The following MYO10 variants were observed in gnomAD, a reference collection of about 807,000 sequenced individuals.
MYO10 encodes the protein myosin X.
In MYO10, 133 loss-of-function variants were observed where a neutral mutation model predicts 257.3. The observed-to-expected ratio is 0.52, with a 90% CI of 0.45 to 0.60. The LOEUF (loss-of-function observed/expected upper bound fraction) is 0.60, where lower values mean the gene tolerates loss of function less well. Ranked by LOEUF, MYO10 falls within the 20% of genes least tolerant of loss-of-function variation. The pLI, the probability that MYO10 is intolerant of heterozygous loss-of-function variation, is 0.00. For missense variants in MYO10, 2,399 were observed against 2,635.7 expected (o/e 0.91, Z 1.97); for synonymous variants, 1,104 against 1,028.6 (o/e 1.07, Z -1.40).
At chr5:16,689,457 T>C (rs1386967167) in intron 28 of MYO10, among the ~76,000 whole-genome samples, 1 of 152,190 alleles carries the variant, frequency 6.6e-6, no homozygotes, top group East Asian at 1.9e-4. Context: ...TTCGTCCTTA[T>C]GCAAACACAA....
chr5:16,797,482 T>C (rs1053382257), intron 3 of MYO10, among the ~76,000 whole-genome samples: 3 of 152,120 alleles, frequency 2.0e-5, no homozygotes, highest in African/African-American at 7.2e-5. Context: ...CCTAGATACA[T>C]ATCAAAAAGA....
chr5:16,710,651 C>T, intron 21 of MYO10: 1 of 510,584 alleles, frequency 2.0e-6, no homozygotes, highest in South Asian at 2.6e-5. Flanking sequence ...GAACAAATAC[C>T]CACACACAAA....
chr5:16,699,589 G>A lies in MYO10; in HGVS notation c.3433-16C>T, dbSNP rs375325553. The A allele has an allele frequency of 2.5e-6, 4 of 1,612,962 alleles. No individual in the cohort carries two copies. The highest frequency in any genetic ancestry group is 1.3e-5 in the African/African-American group (1 of 74,838). On this transcript the variant is annotated splice_polypyrimidine_tract_variant and intron_variant, in intron 25 of 40. Coordinates refer to ENST00000513610, the MANE Select transcript of MYO10 (RefSeq NM_012334.3). ...TATCTTCAAACTGGACCGAGAGAGA[G>A]AAGCCAACGGTGAGGGAAAAGGCCA... is the stretch of plus-strand genomic sequence containing the variant.
At chr5:16,739,285 T>G (rs1739927891) in intron 19 of MYO10, among the ~76,000 whole-genome samples, 1 of 152,118 alleles carries the variant, frequency 6.6e-6, no homozygotes, top group South Asian at 2.1e-4. Flanking sequence ...TTGATTACAC[T>G]ATTGAGAACT....
At chr5:16,922,914 CT>C (rs1473838587) in intron 1 of MYO10, among the ~76,000 whole-genome samples, 2 of 152,084 alleles carry the variant, frequency 1.3e-5, no homozygotes, top group Non-Finnish European at 2.9e-5. Context: ...GCCTGTGGTC[CT>C]AGCTACTGGG....
At chr5:16,875,674 T>C (rs889405559) in intron 2 of MYO10, among the ~76,000 whole-genome samples, 1 of 152,236 alleles carries the variant, frequency 6.6e-6, no homozygotes, top group African/African-American at 2.4e-5. Context: ...CAGTATTAAC[T>C]ACAGCTTATC....
chr5:16,710,812 A>G (rs1206512683), intron 21 of MYO10, 96 bp downstream of exon 21: 1 of 1,006,546 alleles, frequency 9.9e-7, no homozygotes, highest in African/African-American at 1.6e-5. Flanking sequence ...GTGAAAGAAC[A>G]ATTGTATAGC....
intron 19 of MYO10, chr5:16,713,181 T>G (rs1738698184): frequency 2.3e-6 from 1 of 435,840 alleles, no homozygotes; most frequent in African/African-American, 2.1e-5. Context: ...TCTCTATCTC[T>G]CAGGCTTTCC....
chr5:16,824,011 C>T (rs567884171), intron 2 of MYO10, among the ~76,000 whole-genome samples: 46 of 152,196 alleles, frequency 3.0e-4, no homozygotes, highest in African/African-American at 1.1e-3. Context: ...TCTAGAAGTA[C>T]AAACCGCTGG....
At chr5:16,748,671 T>C (rs886125398) in intron 19 of MYO10, among the ~76,000 whole-genome samples, 1 of 151,804 alleles carries the variant, frequency 6.6e-6, no homozygotes, top group African/African-American at 2.4e-5. Flanking sequence ...CTGGATTACA[T>C]AAATATAAAT....
At chr5:16,910,952 TAAATAA>T (rs978697324) in intron 1 of MYO10, among the ~76,000 whole-genome samples, 26 of 151,650 alleles carry the variant, frequency 1.7e-4, no homozygotes, top group African/African-American at 6.1e-4. Context: ...TCACAGCTCT[TAAATAA>T]AAAAAAAGAC....
In MYO10 at chr5:16,912,866, T is replaced by C. The variant is rs531502905; in HGVS notation, c.21+22922A>G. Among the ~76,000 whole-genome samples, 66 of 144,232 alleles carry C rather than the reference T, an allele frequency of 4.6e-4. No individual in the cohort carries two copies. The South Asian group carries it at 8.0e-3, about 17-fold the overall frequency. 94.6% of individuals were successfully genotyped at this position (144,232 alleles called of 152,430 possible). On this transcript the variant is annotated intron_variant, in intron 1 of 40. Transcript: ENST00000513610. ...CACACACACCATGGTACCTCCAAGA[T>C]TGAATTTCAGCCTCCAGCAAGTCAG... is the stretch of plus-strand genomic sequence containing the variant.
chr5:16,683,979 G>A (rs1484279336), intron 29 of MYO10, 44 bp from the exon 30 acceptor site: 1 of 1,580,960 alleles, frequency 6.3e-7, no homozygotes, highest in African/African-American at 1.3e-5. Flanking sequence ...AAGCACTAAA[G>A]TAGGGTGCAC....
chr5:16,724,852 A>G (rs766622447), intron 19 of MYO10, among the ~76,000 whole-genome samples: 45 of 152,224 alleles, frequency 3.0e-4, no homozygotes, highest in Non-Finnish European at 5.4e-4. Flanking sequence ...TCTCCTGAGG[A>G]AGACCATTCG....
intron 31 of MYO10, 58 bp downstream of exon 31, chr5:16,681,813 T>G: frequency 6.4e-7 from 1 of 1,559,636 alleles, no homozygotes; most frequent in Middle Eastern, 1.7e-4. Flanking sequence ...CAGATGTCTA[T>G]ATGCAAATGG....
At chr5:16,791,199 T>A (rs1323481849) in intron 4 of MYO10, among the ~76,000 whole-genome samples, 1 of 152,130 alleles carries the variant, frequency 6.6e-6, no homozygotes, top group African/African-American at 2.4e-5. Context: ...GTTTTTAAAG[T>A]AGTAAAACAC....
intron 4 of MYO10, among the ~76,000 whole-genome samples, chr5:16,783,675 C>A (rs1214400888): frequency 1.3e-5 from 2 of 152,182 alleles, no homozygotes; most frequent in Admixed American, 1.3e-4. Flanking sequence ...GCCTTACTCG[C>A]CTCTTTTGGC....
intron 2 of MYO10, among the ~76,000 whole-genome samples, chr5:16,821,221 G>C (rs1188532960): frequency 6.7e-6 from 1 of 148,590 alleles, no homozygotes; most frequent in Non-Finnish European, 1.5e-5. Context: ...TGTTCCTGGT[G>C]CATCAAAAAA....
intron 9 of MYO10, among the ~76,000 whole-genome samples, chr5:16,778,040 C>T (rs1741275544): frequency 1.3e-5 from 2 of 151,642 alleles, no homozygotes; most frequent in African/African-American, 2.4e-5. Context: ...TTAGCAGTGA[C>T]GGGGTTTCAC....
Sources: allele counts gnomAD v4.1 joint callset (sites outside exome capture counted in the v4.1 genomes callset), GRCh38; gene constraint gnomAD v4.1.1; transcripts MANE v1.5; gene names NCBI Gene and HGNC (gene_info 2026-07-23, HGNC 2026-07-21).